MYO16: variants seen among roughly 807,000 people sequenced by gnomAD.
The protein encoded by MYO16 is unconventional myosin-XVI.
In MYO16, 94 loss-of-function variants were observed where a neutral mutation model predicts 205.3. The observed-to-expected ratio is 0.46, with a 90% CI of 0.39 to 0.54. The LOEUF (loss-of-function observed/expected upper bound fraction) is 0.54, where lower values mean the gene tolerates loss of function less well. MYO16 is among the 20% of genes least tolerant of loss of function. MYO16 has a pLI of 0.00. For missense variants in MYO16, 2,315 were observed against 2,387.5 expected (o/e 0.97, Z 0.63); for synonymous variants, 988 against 954.0 (o/e 1.04, Z -0.66).
chr13:108,859,275 C>A (rs555330203), intron 11 of MYO16, among the ~76,000 whole-genome samples: 1 of 152,070 alleles, frequency 6.6e-6, no homozygotes, highest in Non-Finnish European at 1.5e-5. Flanking sequence ...CTATGTATGA[C>A]CCATAATAGG....
At chr13:109,074,615 G>T (rs1017998067) in intron 27 of MYO16, among the ~76,000 whole-genome samples, 6 of 151,998 alleles carry the variant, frequency 3.9e-5, no homozygotes, top group African/African-American at 1.4e-4. Context: ...AACATCAGGG[G>T]AACAGCATGG....
chr13:109,010,616 A>G (rs925083206), intron 22 of MYO16, among the ~76,000 whole-genome samples: 1 of 152,060 alleles, frequency 6.6e-6, no homozygotes, highest in Non-Finnish European at 1.5e-5. Context: ...CCCAGAGAAG[A>G]GGTCTGTCAC....
Position 109,162,446 on chromosome 13 carries a change from C to T in MYO16, c.5165-2455C>T, listed in dbSNP as rs1878433761. 6.6e-6 allele frequency among the ~76,000 whole-genome samples: 1 copy of T among 152,162 alleles called. No individual in the cohort carries two copies. Among genetic ancestry groups the T allele is most frequent in the Admixed American group, 6.5e-5 (1 of 15,280 alleles). ...CTTGAACATGGTGAGCTCTTTCCTG[C>T]TTTGGGGTATTTACACATGGTGTGG... On this transcript the variant is annotated intron_variant, in intron 32 of 34. Coordinates refer to ENST00000457511, the MANE Select transcript of MYO16 (RefSeq NM_001198950.3). The surrounding 1 kb of genome is among the most constrained non-coding windows in gnomAD (Gnocchi z 4.6).
At chr13:108,527,708 G>T in the MYO16 span, among the ~76,000 whole-genome samples, 2 of 152,080 alleles carry the variant, frequency 1.3e-5, no homozygotes, top group Non-Finnish European at 2.9e-5. Flanking sequence ...AGGATTCTTT[G>T]AAAATAACAG....
chr13:109,175,409 T>C (rs769986419), intron 33 of MYO16, among the ~76,000 whole-genome samples: 13 of 152,326 alleles, frequency 8.5e-5, no homozygotes, highest in South Asian at 2.1e-4. Context: ...ATATCCATTA[T>C]GCCATGGAGA....
chr13:108,581,282 G>A, the MYO16 span, among the ~76,000 whole-genome samples: 1 of 152,166 alleles, frequency 6.6e-6, no homozygotes, highest in South Asian at 2.1e-4. Flanking sequence ...ACCATATCCT[G>A]GTAATGTGAA....
chr13:108,840,188 C>T (rs1282189920), intron 9 of MYO16, among the ~76,000 whole-genome samples: 1 of 152,188 alleles, frequency 6.6e-6, no homozygotes, highest in Non-Finnish European at 1.5e-5. Flanking sequence ...CACCTACTTG[C>T]AAGTATTTTC....
chr13:108,794,926 G>A (rs1366775875), intron 6 of MYO16, among the ~76,000 whole-genome samples: 4 of 152,058 alleles, frequency 2.6e-5, no homozygotes, highest in African/African-American at 4.8e-5. Context: ...TAACTAAATA[G>A]GTAAAAGTTT....
At chr13:109,075,592 T>C (rs1429954151) in intron 27 of MYO16, among the ~76,000 whole-genome samples, 1 of 152,028 alleles carries the variant, frequency 6.6e-6, no homozygotes, top group African/African-American at 2.4e-5. Flanking sequence ...GCCAGGCTGG[T>C]CTCGAACTCC....
rs562959528 is a variant in MYO16 at position 108,689,328 on chromosome 13, A to G, written c.292+23179A>G. On this transcript the variant is annotated intron_variant, in intron 2 of 34. Transcript: ENST00000457511. The stretch of plus-strand genomic sequence containing the variant: ...CATTGTGGACATTAAAATACATTAA[A>G]TAGTATAATTATTTAGCTACATTAA... Among the ~76,000 whole-genome samples the G allele has an allele frequency of 2.0e-5, 3 of 152,272 alleles. No homozygotes were observed. In the East Asian group the frequency reaches 5.8e-4, roughly 29 times the overall value.
chr13:108,518,863 A>C, the MYO16 span, among the ~76,000 whole-genome samples: 1 of 152,178 alleles, frequency 6.6e-6, no homozygotes, highest in Admixed American at 6.5e-5. Context: ...ACTGAGAAAA[A>C]AAGAATATCA....
At chr13:108,734,363 A>G (rs1265195041) in intron 4 of MYO16, among the ~76,000 whole-genome samples, 4 of 152,210 alleles carry the variant, frequency 2.6e-5, no homozygotes, top group Non-Finnish European at 5.9e-5. Context: ...TTCTCTAGAA[A>G]AATTGATATC....
chr13:108,763,462 C>T (rs1008675496), intron 4 of MYO16, among the ~76,000 whole-genome samples: 22 of 151,954 alleles, frequency 1.4e-4, no homozygotes, highest in Admixed American at 9.8e-4. Context: ...TGCATAAAAT[C>T]CTGGAAAGTG....
At chr13:108,696,627 A>G (rs1883100419) in intron 2 of MYO16, among the ~76,000 whole-genome samples, 1 of 152,160 alleles carries the variant, frequency 6.6e-6, no homozygotes, top group South Asian at 2.1e-4. Context: ...TCCTGGGATG[A>G]TGGAGATTTC....
At chr13:108,736,519 A>T (rs886099228) in intron 4 of MYO16, among the ~76,000 whole-genome samples, 6 of 152,302 alleles carry the variant, frequency 3.9e-5, no homozygotes, top group African/African-American at 1.4e-4. Flanking sequence ...TTTTGGTACC[A>T]GTACCATGCT....
In MYO16 at chr13:108,635,544, A is replaced by G. The variant is rs1344257021; in HGVS notation, c.28+5672A>G. Reference sequence around the variant, plus strand: ...TTGAGGGAGTCTCACTCTGTCACCCAGGCTGGAGTGCAGTGGCATGATCTT... The same window carrying G: ...TTGAGGGAGTCTCACTCTGTCACCCGGGCTGGAGTGCAGTGGCATGATCTT... On this transcript the variant is annotated intron_variant, in intron 1 of 34. Transcript: ENST00000457511. 6.6e-5 allele frequency among the ~76,000 whole-genome samples: 10 copies of G among 150,960 alleles called. No homozygotes were observed. In the South Asian group the frequency reaches 1.3e-3, roughly 19 times the overall value.
intron 15 of MYO16, among the ~76,000 whole-genome samples, chr13:108,909,262 T>C (rs1259419052): frequency 1.3e-5 from 2 of 149,132 alleles, no homozygotes; most frequent in Admixed American, 6.6e-5. Context: ...CTTGTATTTA[T>C]GCATTGGGTT....
chr13:108,909,040 T>G (rs1881137569), intron 15 of MYO16, among the ~76,000 whole-genome samples: 1 of 150,682 alleles, frequency 6.6e-6, no homozygotes, highest in African/African-American at 2.4e-5. Context: ...CATAATCTGA[T>G]TATTCATAAT....
At chr13:108,897,869 G>A (rs1389695695) in intron 14 of MYO16, 147 bp from the exon 15 acceptor site, 6 of 651,008 alleles carry the variant, frequency 9.2e-6, no homozygotes, top group East Asian at 5.5e-5. Flanking sequence ...TGAGGAAAAA[G>A]GGGTCTTAAA....
Sources: gnomAD v4.1 joint callset for allele counts (sites outside exome capture counted in the v4.1 genomes callset) on GRCh38, gnomAD v4.1.1 for gene constraint, Gnocchi (gnomAD v3.1) non-coding constraint, MANE v1.5 for transcripts, NCBI Gene and HGNC (gene_info 2026-07-23, HGNC 2026-07-21) for gene names.